ISM1: variants seen among roughly 807,000 people sequenced by gnomAD.
The protein encoded by ISM1 is isthmin 1.
Under a neutral mutation model 46.3 loss-of-function variants are expected in ISM1, and 25 were observed. The observed-to-expected ratio is 0.54, with a 90% CI of 0.39 to 0.75. ISM1 has a LOEUF of 0.75. ISM1 is among the 30% of genes least tolerant of loss of function. The pLI, the probability that ISM1 is intolerant of heterozygous loss-of-function variation, is 0.00. For missense variants in ISM1, 536 were observed against 625.4 expected (o/e 0.86, Z 1.52); for synonymous variants, 255 against 256.7 (o/e 0.99, Z 0.06).
chr20:13,222,383 G>GC (rs2039461037), intron 1 of ISM1, among the ~76,000 whole-genome samples: 1 of 152,108 alleles, frequency 6.6e-6, no homozygotes, highest in African/African-American at 2.4e-5. Context: ...AGGAAGCAAT[G>GC]CCAAAGGTCA....
intron 1 of ISM1, among the ~76,000 whole-genome samples, chr20:13,264,681 C>T (rs555736157): frequency 3.9e-5 from 6 of 152,318 alleles, no homozygotes; most frequent in Non-Finnish European, 7.3e-5. Flanking sequence ...CGATGAGCAA[C>T]GCCAGCTATG....
intron 1 of ISM1, among the ~76,000 whole-genome samples, chr20:13,240,875 C>T (rs2039712977): frequency 6.6e-6 from 1 of 152,092 alleles, no homozygotes; most frequent in African/African-American, 2.4e-5. Flanking sequence ...TCCAGTTTCA[C>T]AAGGGTAGAG....
chr20:13,226,483 A>G (rs982393343), intron 1 of ISM1, among the ~76,000 whole-genome samples: 3 of 152,134 alleles, frequency 2.0e-5, no homozygotes, highest in Non-Finnish European at 2.9e-5. Flanking sequence ...CCTAAAATTT[A>G]GTGGCTTAAC....
In ISM1 at chr20:13,267,320, G is replaced by A. The variant is rs574635652; in HGVS notation, c.139-3184G>A. 2.0e-5 allele frequency among the ~76,000 whole-genome samples: 3 copies of A among 152,320 alleles called. No homozygotes were observed. In the East Asian group the frequency reaches 5.8e-4, roughly 29 times the overall value. On this transcript the variant is annotated intron_variant, in intron 1 of 5. Coordinates refer to ENST00000262487, the MANE Select transcript of ISM1 (RefSeq NM_080826.2). ...AAGCCTGTGTCTGGGGGGCAGGGCG[G>A]TTCGGAGAGATGGAGAAATGCCACA...
rs149614035 is a variant in ISM1 at position 13,224,170 on chromosome 20, C to T, written c.138+2256C>T. On this transcript the variant is annotated intron_variant, in intron 1 of 5. Transcript: ENST00000262487. The stretch of plus-strand genomic sequence containing the variant: ...TATCTTGTAATAGTGTTCGGTGAGA[C>T]TGTCCACTCAATGCACACACTTTTC... Among the ~76,000 whole-genome samples, 409 of 152,250 alleles carry T rather than the reference C, an allele frequency of 2.7e-3. 1 individual carries two copies. Among genetic ancestry groups the T allele is most frequent in the African/African-American group, 9.3e-3 (388 of 41,538 alleles).
chr20:13,306,887 C>T, the ISM1 span, among the ~76,000 whole-genome samples: 1 of 152,302 alleles, frequency 6.6e-6, no homozygotes, highest in South Asian at 2.1e-4. Flanking sequence ...AGGACAGAAT[C>T]TCCTGTCAAG....
intron 2 of ISM1, among the ~76,000 whole-genome samples, chr20:13,278,786 T>C (rs1306006970): frequency 1.3e-5 from 2 of 152,178 alleles, no homozygotes; most frequent in Non-Finnish European, 2.9e-5. Flanking sequence ...AGTGACCCAA[T>C]TGAGGCTGGA....
At position 13,279,452 on chromosome 20, in the gene ISM1, C is replaced by T. The variant is rs574635254; in HGVS notation, c.379-182C>T. Among the ~76,000 whole-genome samples the T allele has an allele frequency of 1.2e-3, 188 of 152,302 alleles. 1 individual carries two copies. The highest frequency in any genetic ancestry group is 2.0e-3 in the Non-Finnish European group (134 of 68,036). ...AACCCAAAGCCATGTTCCATCTAGC[C>T]GTGGAATTCTTGTGGACCATCCCTG... On this transcript the variant is annotated intron_variant, in intron 2 of 5. Coordinates refer to ENST00000262487, the MANE Select transcript of ISM1 (RefSeq NM_080826.2).
chr20:13,303,222 T>C (rs1197459871), downstream of ISM1, among the ~76,000 whole-genome samples: 2 of 152,228 alleles, frequency 1.3e-5, no homozygotes, highest in African/African-American at 4.8e-5. Flanking sequence ...GCCTGTGCTC[T>C]CCTCTCCTCC....
chr20:13,298,167 G>A (rs899682085), intron 5 of ISM1, among the ~76,000 whole-genome samples: 5 of 152,102 alleles, frequency 3.3e-5, no homozygotes, highest in Non-Finnish European at 5.9e-5. Flanking sequence ...GTGCAGTGGT[G>A]CAATCTCAGC....
chr20:13,290,746 T>C (rs188738181), intron 4 of ISM1, among the ~76,000 whole-genome samples: 25 of 152,254 alleles, frequency 1.6e-4, no homozygotes, highest in Non-Finnish European at 2.9e-4. Flanking sequence ...TTTGAGTACT[T>C]AAGTGTCAAG....
chr20:13,290,652 C>T (rs1024438539), intron 4 of ISM1, among the ~76,000 whole-genome samples: 6 of 151,544 alleles, frequency 4.0e-5, no homozygotes, highest in South Asian at 2.1e-4. Flanking sequence ...AGCAAGACTC[C>T]GTCTCAAAAC....
chr20:13,318,319 C>T, the ISM1 span, among the ~76,000 whole-genome samples: 1 of 152,164 alleles, frequency 6.6e-6, no homozygotes, highest in Admixed American at 6.5e-5. Flanking sequence ...AAAACATTGA[C>T]AACATCAGAT....
At chr20:13,245,874 G>C (rs1392922608) in intron 1 of ISM1, among the ~76,000 whole-genome samples, 1 of 152,128 alleles carries the variant, frequency 6.6e-6, no homozygotes, top group Non-Finnish European at 1.5e-5. Context: ...TTTATAGGCT[G>C]CATTTTCAGC....
chr20:13,302,906 G>T (rs1212159587), downstream of ISM1, among the ~76,000 whole-genome samples: 2 of 152,156 alleles, frequency 1.3e-5, no homozygotes, highest in African/African-American at 2.4e-5. Flanking sequence ...TAACCGCCAT[G>T]ATTATAGTCT....
chr20:13,312,370 C>G, the ISM1 span, among the ~76,000 whole-genome samples: 2 of 152,146 alleles, frequency 1.3e-5, no homozygotes, highest in Admixed American at 6.5e-5. Flanking sequence ...GACATCCTTA[C>G]TCACTCACTC....
At chr20:13,313,378 G>C in the ISM1 span, among the ~76,000 whole-genome samples, 9 of 152,332 alleles carry the variant, frequency 5.9e-5, no homozygotes, top group South Asian at 1.9e-3. Context: ...TTACTCTTGT[G>C]TCAATCACAG....
rs144730121 is a variant in ISM1, at chr20:13,296,498, G to A, written c.878-2444G>A. Among the ~76,000 whole-genome samples the A allele has an allele frequency of 5.1e-3, 780 of 152,334 alleles. 2 individuals are homozygous for A. Among genetic ancestry groups the A allele is most frequent in the Non-Finnish European group, 8.4e-3 (572 of 68,028 alleles). ...AACGCTGTGACCATAAGATCTGCAA[G>A]CATCTCAAGGTTAGGCAAGGAGAGT... On this transcript the variant is annotated intron_variant, in intron 5 of 5. Coordinates refer to ENST00000262487, the MANE Select transcript of ISM1 (RefSeq NM_080826.2).
intron 3 of ISM1, among the ~76,000 whole-genome samples, chr20:13,284,527 A>G (rs1349848643): frequency 6.6e-6 from 1 of 152,220 alleles, no homozygotes; most frequent in Non-Finnish European, 1.5e-5. Flanking sequence ...CTGGTAGGTG[A>G]GCAACTGAGA....
Sources: gnomAD v4.1 joint callset for allele counts (sites outside exome capture counted in the v4.1 genomes callset) on GRCh38, gnomAD v4.1.1 for gene constraint, MANE v1.5 for transcripts, NCBI Gene and HGNC (gene_info 2026-07-23, HGNC 2026-07-21) for gene names.